Variants in KIF25 observed in about 807,000 individuals in gnomAD.
KIF25 encodes kinesin family member 25.
KIF25 carries 19 observed loss-of-function variants against 32.9 expected under a neutral mutation model. That is an observed-to-expected ratio of 0.58 (90% confidence interval 0.40 to 0.85). The LOEUF is 0.85. Ranked by LOEUF, KIF25 falls within the 40% of genes least tolerant of loss-of-function variation. KIF25 has a pLI of 0.00. For synonymous variants in KIF25, 225 were observed against 213.7 expected, an observed-to-expected ratio of 1.05 and a Z score of -0.46; for missense variants, 485 against 507.0, an observed-to-expected ratio of 0.96 and a Z score of 0.42.
intron 4 of KIF25, among the ~76,000 whole-genome samples, chr6:168,005,648 G>A (rs1244615841): frequency 1.3e-5 from 2 of 152,212 alleles, no homozygotes; most frequent in African/African-American, 2.4e-5. Context: ...GAGCCAGTCC[G>A]AGATCCAAAG....
At chr6:168,038,242 A>G (rs986497253) in intron 8 of KIF25, among the ~76,000 whole-genome samples, 1 of 152,202 alleles carries the variant, frequency 6.6e-6, no homozygotes, top group Non-Finnish European at 1.5e-5. Context: ...GGTAATTTCT[A>G]GACCACAGCC....
intron 5 of KIF25, among the ~76,000 whole-genome samples, chr6:168,023,676 A>G (rs1278404621): frequency 6.6e-6 from 1 of 152,160 alleles, no homozygotes; most frequent in Non-Finnish European, 1.5e-5. Flanking sequence ...GCTAGGATTA[A>G]AGGCGTGAGC....
intron 2 of KIF25, among the ~76,000 whole-genome samples, chr6:168,001,198 T>C (rs1010160817): frequency 6.6e-6 from 1 of 152,200 alleles, no homozygotes; most frequent in Non-Finnish European, 1.5e-5. Flanking sequence ...GTGTTTCCGA[T>C]GTTGAATTGT....
At position 168,025,301 on chromosome 6, in the gene KIF25, C is replaced by T. The variant is rs192608032; in HGVS notation, c.-94-4191C>T. Among the ~76,000 whole-genome samples, 315 of 152,222 alleles carry T rather than the reference C, an allele frequency of 2.1e-3. 4 individuals are homozygous for T. The highest frequency in any genetic ancestry group is 0.017 in the Admixed American group (258 of 15,282). The stretch of plus-strand genomic sequence containing the variant: ...TTCCCTGTGTCCCTCGGTTGGAGGC[C>T]GCTGCTCCAACTTCTCATTTCCCGC... On this transcript the variant is annotated intron_variant, in intron 5 of 12. Coordinates refer to ENST00000643607, the MANE Select transcript of KIF25 (RefSeq NM_030615.4).
chr6:168,023,949 A>C (rs1483229438), intron 5 of KIF25, among the ~76,000 whole-genome samples: 1 of 152,014 alleles, frequency 6.6e-6, no homozygotes, highest in African/African-American at 2.4e-5. Context: ...AAAACATTTT[A>C]TTTGTATATC....
intron 5 of KIF25, among the ~76,000 whole-genome samples, chr6:168,027,793 A>G (rs987858837): frequency 1.3e-5 from 2 of 152,226 alleles, no homozygotes; most frequent in African/African-American, 4.8e-5. Context: ...GCGTCTCTTC[A>G]GAGCGAAGTT....
chr6:168,014,830 G>A (rs1244048816), intron 4 of KIF25, among the ~76,000 whole-genome samples: 3 of 152,082 alleles, frequency 2.0e-5, no homozygotes, highest in Non-Finnish European at 4.4e-5. Flanking sequence ...ATCAGACATG[G>A]GAGAACAGAT....
chr6:168,019,162 G>A (rs960988110), intron 5 of KIF25, among the ~76,000 whole-genome samples: 1 of 152,182 alleles, frequency 6.6e-6, no homozygotes, highest in Admixed American at 6.5e-5. Context: ...CCATAATAAA[G>A]CCGAAGAAAA....
rs1799128308 is a variant in KIF25, at chr6:168,042,033, C to G, written c.711C>G (p.Ser237Arg). 6.4e-7 allele frequency: 1 copy of G among 1,551,348 alleles called. No homozygotes were observed. Among genetic ancestry groups the G allele is most frequent in the Admixed American group, 2.0e-5 (1 of 51,012 alleles). ...CAGAGGCAGGAAGGGCAGGAAGGAG[C>G]CGCAGAGCTTCTCAAGGGGCCTTGG... ...EQTEAGRAGR[S>R]RRASQGALAP... Residue 237 changes from serine to arginine, a missense_variant, in exon 11 of 13, where the codon AGC becomes AGG. Ser to Arg is a moderately radical substitution (Grantham distance 110). Around this residue, in one of 2 missense-constraint regions of KIF25, gnomAD observed 480 missense variants for 470.3 expected, o/e 1.02. Coordinates refer to ENST00000643607, the MANE Select transcript of KIF25 (RefSeq NM_030615.4).
rs536226852 is a variant in KIF25, at chr6:168,030,869, G to A, written c.167+22G>A. ...ATGGGTGAGTTAAAATATTTTTAAGGCCAGTCATCATAGTTACATTTGAAT... is the reference window on the plus strand; with the variant it reads ...ATGGGTGAGTTAAAATATTTTTAAGACCAGTCATCATAGTTACATTTGAAT... On this transcript the variant is annotated intron_variant, in intron 7 of 12. Transcript: ENST00000643607. The A allele has an allele frequency of 3.2e-6, 5 of 1,553,890 alleles. No homozygotes were observed. The South Asian group carries it at 4.5e-5, about 14-fold the overall frequency.
chr6:168,030,110 T>A (rs1798920180), intron 6 of KIF25, among the ~76,000 whole-genome samples: 1 of 152,198 alleles, frequency 6.6e-6, no homozygotes, highest in Admixed American at 6.5e-5. Context: ...CAGGCTTCTT[T>A]CAAATTGTGC....
chr6:168,025,290 C>T (rs372304808), intron 5 of KIF25, among the ~76,000 whole-genome samples: 29 of 152,254 alleles, frequency 1.9e-4, no homozygotes, highest in African/African-American at 6.0e-4. Context: ...CTGTGTCCCT[C>T]GGTTGGAGGC....
chr6:168,014,300 A>G (rs1488156507), intron 4 of KIF25, among the ~76,000 whole-genome samples: 3 of 152,202 alleles, frequency 2.0e-5, no homozygotes, highest in African/African-American at 2.4e-5. Flanking sequence ...GATTATTAAC[A>G]TCACTGTTTG....
intron 4 of KIF25, among the ~76,000 whole-genome samples, chr6:168,012,799 G>T (rs539815231): frequency 6.6e-6 from 1 of 152,230 alleles, no homozygotes; most frequent in African/African-American, 2.4e-5. Context: ...TGGCCTGAGG[G>T]TGTGTTTGCC....
In KIF25 at chr6:168,020,292, G is replaced by A. The variant is rs560232010; in HGVS notation, c.-95+2252G>A. 2.5e-4 allele frequency among the ~76,000 whole-genome samples: 38 copies of A among 152,202 alleles called. No homozygotes were observed. The South Asian group carries it at 6.2e-3, about 25-fold the overall frequency. On this transcript the variant is annotated intron_variant, in intron 5 of 12. Coordinates refer to ENST00000643607, the MANE Select transcript of KIF25 (RefSeq NM_030615.4). ...TACAGGACCAGCACCTCTAAAGTAC[G>A]GAAAGAGAAACAGTCCATCCAGAGT...
At chr6:168,036,921 G>C (rs1469171878) in intron 8 of KIF25, among the ~76,000 whole-genome samples, 3 of 152,156 alleles carry the variant, frequency 2.0e-5, no homozygotes, top group Non-Finnish European at 2.9e-5. Flanking sequence ...AATTAGCCTG[G>C]TGTGGTGGTG....
intron 5 of KIF25, among the ~76,000 whole-genome samples, chr6:168,026,357 TG>T (rs1406080918): frequency 6.6e-6 from 1 of 152,124 alleles, no homozygotes; most frequent in African/African-American, 2.4e-5. Context: ...AACAGAAAAA[TG>T]GAAGAATTTG....
intron 8 of KIF25, among the ~76,000 whole-genome samples, chr6:168,037,233 T>C (rs1190060329): frequency 6.6e-6 from 1 of 152,364 alleles, no homozygotes; most frequent in Non-Finnish European, 1.5e-5. Flanking sequence ...TTTTACTTAC[T>C]TTCTCTTTCA....
At chr6:168,031,111 G>A (rs1479626781) in intron 7 of KIF25, among the ~76,000 whole-genome samples, 1 of 152,164 alleles carries the variant, frequency 6.6e-6, no homozygotes, top group Non-Finnish European at 1.5e-5. Context: ...TTTAGTTACA[G>A]TGCATGTGGG....
Sources: allele counts gnomAD v4.1 joint callset (sites outside exome capture counted in the v4.1 genomes callset), GRCh38; gene constraint gnomAD v4.1.1; regional missense constraint gnomAD v4.1.1; transcripts MANE v1.5; gene names NCBI Gene and HGNC (gene_info 2026-07-23, HGNC 2026-07-21).